FBXO9: variants seen among roughly 807,000 people sequenced by gnomAD.
The protein encoded by FBXO9 is F-box only protein 9.
In FBXO9, 43 loss-of-function variants were observed where a neutral mutation model predicts 63.7. The ratio of observed to expected loss-of-function variants is 0.67; its 90% CI spans 0.53 to 0.87. The LOEUF is 0.87. FBXO9 is among the 40% of genes least tolerant of loss of function. FBXO9 has a pLI of 0.00. For missense variants in FBXO9, 442 were observed against 533.2 expected (o/e 0.83, Z 1.68); for synonymous variants, 156 against 171.7 (o/e 0.91, Z 0.72).
At chr6:53,069,875 ATGAGTAC>A (rs1408788953) in intron 1 of FBXO9, among the ~76,000 whole-genome samples, 1 of 152,174 alleles carries the variant, frequency 6.6e-6, no homozygotes, top group Non-Finnish European at 1.5e-5. Context: ...AAGTTGGGTC[ATGAGTAC>A]TTAGGGATTA....
At chr6:53,071,178 C>T in intron 2 of FBXO9, 35 bp downstream of exon 2, 1 of 1,529,804 alleles carries the variant, frequency 6.5e-7, no homozygotes, top group Non-Finnish European at 8.9e-7. Flanking sequence ...GATTTTTATT[C>T]CATTGTTCCC....
At chr6:53,084,693 C>T (rs1325024248) in intron 7 of FBXO9, among the ~76,000 whole-genome samples, 6 of 152,040 alleles carry the variant, frequency 3.9e-5, no homozygotes, top group South Asian at 2.1e-4. Flanking sequence ...TTTTAGTTGG[C>T]GTGTTGTAGT....
At chr6:53,080,845 A>G in intron 5 of FBXO9, 123 bp from the exon 6 acceptor site, 2 of 959,276 alleles carry the variant, frequency 2.1e-6, no homozygotes, top group Admixed American at 5.1e-5. Context: ...AAAATGTATC[A>G]CATGTTGAAT....
At chr6:53,083,398 C>A (rs1769375434) in intron 7 of FBXO9, among the ~76,000 whole-genome samples, 1 of 152,056 alleles carries the variant, frequency 6.6e-6, no homozygotes, top group Non-Finnish European at 1.5e-5. Flanking sequence ...TTATGTCAAC[C>A]TAAATAATAA....
intron 3 of FBXO9, among the ~76,000 whole-genome samples, chr6:53,074,981 T>A (rs1463256016): frequency 1.3e-5 from 2 of 152,180 alleles, no homozygotes; most frequent in Non-Finnish European, 2.9e-5. Flanking sequence ...AGAGTACAAT[T>A]GCTAAGTTCT....
At chr6:53,080,407 T>A (rs563272741) in intron 5 of FBXO9, among the ~76,000 whole-genome samples, 2 of 152,200 alleles carry the variant, frequency 1.3e-5, no homozygotes, top group South Asian at 4.1e-4. Context: ...ATCTTTAAGG[T>A]TTACTTCAGT....
rs1763106799 is a variant in FBXO9 at position 53,093,466 on chromosome 6, G to A, written c.864G>A (p.Arg288=). 2 of 1,607,802 alleles carry A rather than the reference G, an allele frequency of 1.2e-6. No individual in the cohort carries two copies. Among genetic ancestry groups the A allele is most frequent in the Non-Finnish European group, 1.7e-6 (2 of 1,174,534 alleles). ...TGGTCTTCCTTTTCTTATTACATAG[G>A]TACATAAGATTCTTTCCTGATGGCC... ...YRAWHQVEYY[R]YIRFFPDGHV... The change falls in exon 10 of 13, where the codon AGG becomes AGA. Residue 288 remains arginine (R), a splice_region_variant and synonymous_variant. Coordinates refer to ENST00000323557, the MANE Select transcript of FBXO9 (RefSeq NM_033480.3).
chr6:53,077,709 C>T (rs1296029070), intron 4 of FBXO9, among the ~76,000 whole-genome samples: 1 of 152,122 alleles, frequency 6.6e-6, no homozygotes, highest in East Asian at 1.9e-4. Flanking sequence ...AGAGTTACTG[C>T]ATTTATATGC....
chr6:53,071,190 T>C, intron 2 of FBXO9, 47 bp downstream of exon 2: 1 of 1,505,394 alleles, frequency 6.6e-7, no homozygotes, highest in South Asian at 1.2e-5. Flanking sequence ...ATTGTTCCCA[T>C]ACATATGCAG....
chr6:53,096,344 G>A (rs938660145), intron 12 of FBXO9, among the ~76,000 whole-genome samples: 4 of 152,274 alleles, frequency 2.6e-5, no homozygotes, highest in Admixed American at 2.6e-4. Flanking sequence ...AAAGAATATT[G>A]GTACATGACT....
At position 53,080,309 on chromosome 6, in the gene FBXO9, G is replaced by GT. The variant is rs1217673038; in HGVS notation, c.408-652dup. Among the ~76,000 whole-genome samples the GT allele has an allele frequency of 3.6e-5, 5 of 140,608 alleles. No homozygotes were observed. In the East Asian group the frequency reaches 6.2e-4, roughly 18 times the overall value. 92.2% of individuals were successfully genotyped at this position (140,608 alleles called of 152,430 possible). A position where few individuals can be genotyped will look rare whatever the true frequency, so the allele number is the denominator to read the frequency against. On this transcript the variant is annotated intron_variant, in intron 5 of 12. Transcript: ENST00000323557. ...AATGCCCTTCCTGGTTTTTTTTTTT[G>GT]TTTTTTTGTTTTTTTTAAGTCTACA... is the stretch of plus-strand genomic sequence containing the variant.
chr6:53,075,393 G>T (rs1456457758), intron 3 of FBXO9, among the ~76,000 whole-genome samples: 2 of 151,126 alleles, frequency 1.3e-5, no homozygotes, highest in African/African-American at 4.9e-5. Context: ...ATCTAGCTGG[G>T]TGCGGTGGCT....
intron 7 of FBXO9, chr6:53,092,198 TTGTC>T: frequency 2.3e-6 from 1 of 428,292 alleles, no homozygotes; most frequent in East Asian, 4.2e-5. Flanking sequence ...TGACTCTACT[TTGTC>T]TGTTGGTTGA....
chr6:53,079,149 A>G (rs1581815835), intron 5 of FBXO9, among the ~76,000 whole-genome samples: 1 of 152,358 alleles, frequency 6.6e-6, no homozygotes, highest in African/African-American at 2.4e-5. Flanking sequence ...TTAAAAAAAT[A>G]AAAGCAGTAG....
intron 3 of FBXO9, 24 bp downstream of exon 3, chr6:53,073,663 A>C (rs1312444370): frequency 7.1e-7 from 1 of 1,415,900 alleles, no homozygotes; most frequent in Non-Finnish European, 9.1e-7. Flanking sequence ...ATATTGTAAC[A>C]AATTACATTT....
At chr6:53,070,785 C>T in intron 1 of FBXO9, 1 of 400,064 alleles carries the variant, frequency 2.5e-6, no homozygotes, top group Non-Finnish European at 4.5e-6. Flanking sequence ...ATGGATGCAA[C>T]TGATGTTAAA....
chr6:53,085,151 G>A (rs1769440681), intron 7 of FBXO9, among the ~76,000 whole-genome samples: 1 of 152,114 alleles, frequency 6.6e-6, no homozygotes, highest in African/African-American at 2.4e-5. Context: ...TTCCACCTTG[G>A]TTCACAAAAG....
chr6:53,093,873 T>C lies in FBXO9; in HGVS notation c.960-12T>C. 1 of 1,527,660 alleles carries C rather than the reference T, an allele frequency of 6.5e-7. No homozygotes were observed. Among genetic ancestry groups the C allele is most frequent in the Non-Finnish European group, 8.8e-7 (1 of 1,137,198 alleles). The allele number at this position is 1,527,660 out of a possible 1,614,324, so 94.6% of individuals were successfully genotyped here. The stretch of plus-strand genomic sequence containing the variant: ...TAACTGATTTAGATTCAATTTGTTT[T>C]TTTTTTTTAAGGACTGATGCAATTC... On this transcript the variant is annotated splice_polypyrimidine_tract_variant and intron_variant, in intron 10 of 12. Coordinates refer to ENST00000323557, the MANE Select transcript of FBXO9 (RefSeq NM_033480.3).
At position 53,068,129 on chromosome 6, in the gene FBXO9, T is replaced by C. The variant is rs187699740; in HGVS notation, c.3+2337T>C. On this transcript the variant is annotated intron_variant, in intron 1 of 12. Transcript: ENST00000323557. Reference sequence around the variant, plus strand: ...GCCCTGAAATAACATATGACTAAAATTTGCAATTGTAAAACTTACCATCTT... The same window carrying C: ...GCCCTGAAATAACATATGACTAAAACTTGCAATTGTAAAACTTACCATCTT... 11 of 151,790 alleles carry C rather than the reference T, an allele frequency of 7.2e-5. No homozygotes were observed. In the East Asian group the frequency reaches 1.9e-3, roughly 27 times the overall value. The allele number at this position is 151,790 out of a possible 1,614,324, so 9.4% of individuals were successfully genotyped here.
Sources: gnomAD v4.1 joint callset for allele counts (sites outside exome capture counted in the v4.1 genomes callset) on GRCh38, gnomAD v4.1.1 for gene constraint, MANE v1.5 for transcripts, NCBI Gene and HGNC (gene_info 2026-07-23, HGNC 2026-07-21) for gene names.